Variants in SUGCT observed in about 807,000 individuals in gnomAD.
The protein encoded by SUGCT is succinyl-CoA:glutarate CoA-transferase.
In SUGCT, 41 loss-of-function variants were observed where a neutral mutation model predicts 55.0. That is an observed-to-expected ratio of 0.74 (90% CI 0.58 to 0.97). The LOEUF (loss-of-function observed/expected upper bound fraction) is 0.97. SUGCT is among the 50% of genes least tolerant of loss of function. The pLI, the probability that SUGCT is intolerant of heterozygous loss-of-function variation, is 0.00. For missense variants in SUGCT, 568 were observed against 547.8 expected (o/e 1.04, Z -0.37); for synonymous variants, 187 against 200.4 (o/e 0.93, Z 0.56).
intron 12 of SUGCT, among the ~76,000 whole-genome samples, chr7:40,678,320 A>G (rs1784096651): frequency 6.6e-6 from 1 of 152,164 alleles, no homozygotes; most frequent in Non-Finnish European, 1.5e-5. Flanking sequence ...TTGCACTCAT[A>G]GTAACATTTT....
At chr7:40,418,509 G>C (rs911118632) in intron 9 of SUGCT, among the ~76,000 whole-genome samples, 5 of 152,278 alleles carry the variant, frequency 3.3e-5, no homozygotes, top group Admixed American at 6.5e-5. Flanking sequence ...CCAATACCAA[G>C]TATTTGGGAG....
chr7:40,207,973 A>T (rs1787088153), intron 6 of SUGCT, among the ~76,000 whole-genome samples: 1 of 152,234 alleles, frequency 6.6e-6, no homozygotes, highest in African/African-American at 2.4e-5. Context: ...CAGGTGAATA[A>T]ATAAGCAATA....
At chr7:40,968,994 T>C in the SUGCT span, among the ~76,000 whole-genome samples, 1 of 152,194 alleles carries the variant, frequency 6.6e-6, no homozygotes, top group Non-Finnish European at 1.5e-5. Flanking sequence ...CCCCTGAGGC[T>C]GTCCTCTTAT....
At chr7:40,293,666 C>G (rs1305696287) in intron 8 of SUGCT, among the ~76,000 whole-genome samples, 1 of 152,070 alleles carries the variant, frequency 6.6e-6, no homozygotes, top group Non-Finnish European at 1.5e-5. Context: ...TGCAGTAGAC[C>G]CAGGGGTTAC....
chr7:40,390,356 C>T (rs1402826273), intron 9 of SUGCT, among the ~76,000 whole-genome samples: 1 of 152,162 alleles, frequency 6.6e-6, no homozygotes, highest in African/African-American at 2.4e-5. Context: ...TCCCTGTTTG[C>T]AGATGACATG....
chr7:40,220,257 G>A (rs1787948412), intron 6 of SUGCT, among the ~76,000 whole-genome samples: 1 of 152,144 alleles, frequency 6.6e-6, no homozygotes, highest in Non-Finnish European at 1.5e-5. Flanking sequence ...CTGCCATGCT[G>A]ACCCAGAAGT....
chr7:40,876,608 G>A, the SUGCT span, among the ~76,000 whole-genome samples: 97 of 152,316 alleles, frequency 6.4e-4, no homozygotes, highest in Admixed American at 7.2e-4. Context: ...TATGAGTAGT[G>A]TTTCATTTGT....
chr7:41,034,164 G>A, the SUGCT span, among the ~76,000 whole-genome samples: 1 of 152,126 alleles, frequency 6.6e-6, no homozygotes, highest in Non-Finnish European at 1.5e-5. Context: ...TACTTGTCAT[G>A]GTGTTGAGAG....
chr7:40,936,828 A>G, the SUGCT span, among the ~76,000 whole-genome samples: 5,926 of 151,848 alleles, frequency 0.039, 387 homozygotes, highest in African/African-American at 0.14. Flanking sequence ...GCTGTTTTTA[A>G]GTTTTTCTTA....
chr7:40,815,287 A>G (rs997256349), intron 13 of SUGCT, among the ~76,000 whole-genome samples: 5 of 152,346 alleles, frequency 3.3e-5, no homozygotes, highest in African/African-American at 1.2e-4. Context: ...GCAGCCACTG[A>G]GCACCCAGAG....
chr7:40,588,534 A>G (rs1301255935), intron 12 of SUGCT, among the ~76,000 whole-genome samples: 1 of 152,216 alleles, frequency 6.6e-6, no homozygotes, highest in Non-Finnish European at 1.5e-5. Flanking sequence ...TCCCATGGTC[A>G]CATTTCTAAC....
intron 8 of SUGCT, among the ~76,000 whole-genome samples, chr7:40,285,749 C>T (rs997512115): frequency 3.3e-5 from 5 of 152,058 alleles, no homozygotes; most frequent in East Asian, 1.9e-4. Context: ...TGAGGTATAA[C>T]GGTGAGTACT....
intron 7 of SUGCT, among the ~76,000 whole-genome samples, chr7:40,268,784 G>A (rs974112086): frequency 1.3e-5 from 2 of 151,890 alleles, no homozygotes; most frequent in Admixed American, 6.6e-5. Flanking sequence ...GATTACAGGC[G>A]TGCACCACCG....
At chr7:40,184,941 G>T (rs1204204609) in intron 3 of SUGCT, among the ~76,000 whole-genome samples, 1 of 152,056 alleles carries the variant, frequency 6.6e-6, no homozygotes, top group Non-Finnish European at 1.5e-5. Flanking sequence ...TCAATTTCTT[G>T]TTAAGTAGAT....
chr7:40,666,976 G>T (rs191947451), intron 12 of SUGCT, among the ~76,000 whole-genome samples: 250 of 152,014 alleles, frequency 1.6e-3, no homozygotes, highest in African/African-American at 5.8e-3. Flanking sequence ...AAAATTAGAT[G>T]TGGGGTTGCA....
intron 13 of SUGCT, among the ~76,000 whole-genome samples, chr7:40,781,016 G>C (rs547873421): frequency 6.6e-6 from 1 of 152,078 alleles, no homozygotes; most frequent in African/African-American, 2.4e-5. Flanking sequence ...CAGGTATTGG[G>C]TTCCTCATGT....
At position 40,520,329 on chromosome 7, in the gene SUGCT, A is replaced by G. The variant is rs150246221; in HGVS notation, c.1089+23943A>G. On this transcript the variant is annotated intron_variant, in intron 12 of 13. Coordinates refer to ENST00000335693, the MANE Select transcript of SUGCT (RefSeq NM_001193313.2). ...AATTCTGGTGTCTATTAAACTTTGGAGGGGTTTTTGTGGTTTTCTAAGAGT... is the reference window on the plus strand; with the variant it reads ...AATTCTGGTGTCTATTAAACTTTGGGGGGGTTTTTGTGGTTTTCTAAGAGT... 9.2e-4 allele frequency among the ~76,000 whole-genome samples: 140 copies of G among 152,170 alleles called. 1 individual carries two copies. The highest frequency in any genetic ancestry group is 3.1e-3 in the African/African-American group (128 of 41,530).
intron 12 of SUGCT, among the ~76,000 whole-genome samples, chr7:40,644,804 C>T (rs893440669): frequency 1.3e-5 from 2 of 152,102 alleles, no homozygotes; most frequent in African/African-American, 2.4e-5. Context: ...TGATGCTTGC[C>T]GTCACCGAAA....
chr7:40,747,488 T>C (rs779364286), intron 12 of SUGCT, among the ~76,000 whole-genome samples: 3 of 152,236 alleles, frequency 2.0e-5, no homozygotes, highest in Non-Finnish European at 4.4e-5. Context: ...GAATGGATTA[T>C]GGTAAGAAGG....
Sources: gnomAD v4.1 joint callset for allele counts (sites outside exome capture counted in the v4.1 genomes callset) on GRCh38, gnomAD v4.1.1 for gene constraint, MANE v1.5 for transcripts, NCBI Gene and HGNC (gene_info 2026-07-23, HGNC 2026-07-21) for gene names.